Variants in BPTF observed in about 807,000 individuals in gnomAD.
BPTF encodes the protein bromodomain PHD finger transcription factor.
A neutral mutation model predicts 292.5 loss-of-function variants in BPTF; 18 were observed. The ratio of observed to expected loss-of-function variants is 0.06; its 90% CI spans 0.04 to 0.09. The LOEUF (loss-of-function observed/expected upper bound fraction) is 0.09, where lower values mean the gene tolerates loss of function less well. BPTF is among the 10% of genes least tolerant of loss of function. BPTF has a pLI of 1.00. For missense variants in BPTF, 2,726 were observed against 3,498.7 expected (o/e 0.78, Z 5.57); for synonymous variants, 1,225 against 1,251.9 (o/e 0.98, Z 0.45).
chr17:67,924,691 C>A, intron 15 of BPTF, 102 bp downstream of exon 15: 1 of 1,300,906 alleles, frequency 7.7e-7, no homozygotes, highest in Non-Finnish European at 1.1e-6. Flanking sequence ...TGGTGCTGGT[C>A]CCACTTGACA....
rs1217399164 is a variant in BPTF at position 67,825,919 on chromosome 17, C to G, written c.195C>G (p.Ser65Arg). 2 of 1,015,028 alleles carry G rather than the reference C, an allele frequency of 2.0e-6. No individual in the cohort carries two copies. Among genetic ancestry groups the G allele is most frequent in the Non-Finnish European group, 2.3e-6 (2 of 851,144 alleles). 62.9% of individuals were successfully genotyped at this position (1,015,028 alleles called of 1,614,324 possible). ...AGGTGGCGCCCAAGACGCGGCTGAG[C>G]TCGCCCAGGGGGGGCAGCAGTAGCC... The part of the protein sequence containing the change: ...QAEVAPKTRL[S>R]SPRGGSSSRR... The change falls in exon 1 of 28, where the codon AGC (serine) becomes AGG (arginine). Residue 65 changes from serine (S) to arginine (R), a missense_variant. Physicochemically the swap from Ser to Arg is moderately radical, Grantham distance 110 (BLOSUM62 -1). Coordinates refer to ENST00000306378, the MANE Select transcript of BPTF (RefSeq NM_182641.4).
chr17:67,918,333 C>T (rs2147124054), intron 11 of BPTF, among the ~76,000 whole-genome samples: 1 of 152,266 alleles, frequency 6.6e-6, no homozygotes, highest in South Asian at 2.1e-4. Context: ...CATTTAATAA[C>T]AATTATCTAT....
intron 27 of BPTF, chr17:67,981,541 C>T: frequency 9.1e-7 from 1 of 1,094,464 alleles, no homozygotes; most frequent in Non-Finnish European, 1.1e-6. Context: ...AATTGCCCCC[C>T]AAAAAGTCAG....
chr17:67,944,362 G>T lies in BPTF; in HGVS notation c.6690G>T (p.Thr2230=). 1 of 1,612,806 alleles carries T rather than the reference G, an allele frequency of 6.2e-7. No homozygotes were observed. Among genetic ancestry groups the T allele is most frequent in the Non-Finnish European group, 8.5e-7 (1 of 1,179,990 alleles). ...TASTTTTTVS[T]TAAGTGEQRQ... is the part of the protein sequence containing the mutation. ...GCACCACCACCACCACTGTTTCCAC[G>T]ACAGCAGCAGGTAGAGCTGTGGGTT... The change falls in exon 20 of 28, where the codon ACG becomes ACT. Residue 2230 remains threonine (T), a synonymous_variant. Coordinates refer to ENST00000306378, the MANE Select transcript of BPTF (RefSeq NM_182641.4).
intron 23 of BPTF, among the ~76,000 whole-genome samples, chr17:67,954,333 C>G (rs1278040419): frequency 6.6e-6 from 1 of 152,026 alleles, no homozygotes; most frequent in Non-Finnish European, 1.5e-5. Context: ...GTACTCGGCC[C>G]TGGTTGTCTT....
At chr17:67,931,152 C>T in intron 17 of BPTF, among the ~76,000 whole-genome samples, 1 of 152,164 alleles carries the variant, frequency 6.6e-6, no homozygotes, top group East Asian at 1.9e-4. Context: ...GTGATCCCAG[C>T]TACTTGGGAG....
At chr17:67,934,155 C>G (rs2064696312) in intron 18 of BPTF, among the ~76,000 whole-genome samples, 1 of 152,130 alleles carries the variant, frequency 6.6e-6, no homozygotes, top group Admixed American at 6.5e-5. Flanking sequence ...GTATAGGCCA[C>G]ATTCTTTATA....
Position 67,826,117 on chromosome 17 carries a change from C to CGAGGAGGAG in BPTF, c.399_407dup (p.Glu136_Glu138dup), listed in dbSNP as rs762904421. Reference sequence around the variant, plus strand: ...AAGTGGTGTACGATGACCACGAGAGCGAGGAGGAGGAGGAAGAGGAGGACA... The same window carrying CGAGGAGGAG: ...AAGTGGTGTACGATGACCACGAGAGCGAGGAGGAGGAGGAGGAGGAGGAAGAGGAGGACA... On this transcript the variant is annotated inframe_insertion, in exon 1 of 28. Coordinates refer to ENST00000306378, the MANE Select transcript of BPTF (RefSeq NM_182641.4). 4 of 1,398,432 alleles carry CGAGGAGGAG rather than the reference C, an allele frequency of 2.9e-6. No individual in the cohort carries two copies. The highest frequency in any genetic ancestry group is 4.0e-6 in the Non-Finnish European group (4 of 999,172). 86.6% of individuals were successfully genotyped at this position (1,398,432 alleles called of 1,614,324 possible).
intron 3 of BPTF, among the ~76,000 whole-genome samples, chr17:67,873,269 C>T (rs530718906): frequency 4.1e-4 from 63 of 152,000 alleles, no homozygotes; most frequent in Non-Finnish European, 8.1e-4. Flanking sequence ...ACCAGCCGGG[C>T]CAACGTGGTG....
chr17:67,919,982 G>A (rs2063328876), intron 12 of BPTF, 33 bp from the exon 13 acceptor site: 1 of 1,576,236 alleles, frequency 6.3e-7, no homozygotes, highest in East Asian at 2.3e-5. Flanking sequence ...TATTTCAGTT[G>A]GTTATTAATA....
At chr17:67,974,006 C>T (rs1252040075) in intron 26 of BPTF, 1 of 152,084 alleles carries the variant, frequency 6.6e-6, no homozygotes, top group Non-Finnish European at 1.5e-5. Context: ...ATAAGATTAT[C>T]TCATTACTTT....
chr17:67,955,125 T>TA (rs1450780557), intron 23 of BPTF, among the ~76,000 whole-genome samples: 9 of 151,266 alleles, frequency 5.9e-5, no homozygotes, highest in Admixed American at 2.0e-4. Flanking sequence ...TAGTCACTAC[T>TA]AAAAAAAATA....
At chr17:67,976,129 T>A in intron 27 of BPTF, 171 bp downstream of exon 27, 1 of 501,860 alleles carries the variant, frequency 2.0e-6, no homozygotes, top group Non-Finnish European at 3.2e-6. Context: ...CAAGGAGAAG[T>A]GGACAAATTG....
Position 67,860,849 on chromosome 17 carries a change from C to G in BPTF, c.1437-5615C>G, listed in dbSNP as rs568246686. On this transcript the variant is annotated intron_variant, in intron 2 of 27. Transcript: ENST00000306378. ...CTAGGATTACAACAGGCGTGGACCA[C>G]CACACGCCTTTAAACAGCATTTTAA... Among the ~76,000 whole-genome samples the G allele has an allele frequency of 2.0e-5, 3 of 152,352 alleles. No homozygotes were observed. In the South Asian group the frequency reaches 6.2e-4, roughly 32 times the overall value.
At chr17:67,959,032 T>C (rs2067217212) in intron 23 of BPTF, among the ~76,000 whole-genome samples, 1 of 152,236 alleles carries the variant, frequency 6.6e-6, no homozygotes, top group South Asian at 2.1e-4. Flanking sequence ...CCCTGCAGTC[T>C]GAAATTCTAG....
intron 1 of BPTF, among the ~76,000 whole-genome samples, chr17:67,830,336 G>A (rs775535922): frequency 1.2e-4 from 18 of 152,198 alleles, no homozygotes; most frequent in Non-Finnish European, 2.2e-4. Flanking sequence ...GTTACCCTGG[G>A]AGAGTTAGTG....
In BPTF at chr17:67,912,036, C is replaced by T. The variant is rs1482406860; in HGVS notation, c.4152C>T (p.Thr1384=). The change falls in exon 11 of 28, where the codon ACC becomes ACT. Residue 1384 remains threonine, a synonymous_variant. Transcript: ENST00000306378. The stretch of plus-strand genomic sequence containing the variant: ...GTGATCAAATAAAGCTAAAAAATAC[C>T]ACTGACAAAAAGAATAATGAAAATC... ...KCSDQIKLKN[T]TDKKNNENRE... 2 of 1,612,258 alleles carry T rather than the reference C, an allele frequency of 1.2e-6. No individual in the cohort carries two copies. The highest frequency in any genetic ancestry group is 8.5e-7 in the Non-Finnish European group (1 of 1,179,478).
In BPTF at chr17:67,904,726, T is replaced by C. The variant is rs748412586; in HGVS notation, c.2698T>C (p.Tyr900His). Residue 900 changes from tyrosine to histidine, a missense_variant, in exon 9 of 28, where the codon TAC (tyrosine) becomes CAC (histidine). Physicochemically the swap from Tyr to His is moderately conservative, Grantham distance 83. Coordinates refer to ENST00000306378, the MANE Select transcript of BPTF (RefSeq NM_182641.4). ...GGTTTGGAAACAAAAAGGTGAAGAG[T>C]ACAGAGTGACAGGATATGGTGGTTG... ...HQVWKQKGEE[Y>H]RVTGYGGWSW... 15 of 1,612,704 alleles carry C rather than the reference T, an allele frequency of 9.3e-6. No individual in the cohort carries two copies. The highest frequency in any genetic ancestry group is 1.3e-5 in the African/African-American group (1 of 74,860).
rs141618676 is a variant in BPTF at position 67,873,132 on chromosome 17, C to T, written c.1661-1685C>T. 4.0e-3 allele frequency among the ~76,000 whole-genome samples: 610 copies of T among 151,858 alleles called. 4 individuals are homozygous for T. The highest frequency in any genetic ancestry group is 0.014 in the African/African-American group (589 of 41,436). On this transcript the variant is annotated intron_variant, in intron 3 of 27. Coordinates refer to ENST00000306378, the MANE Select transcript of BPTF (RefSeq NM_182641.4). ...AAAAGGAAACACAAACCCAAAAATC[C>T]AAGAGGAGTACTGTGGATATACATG...
Sources: allele counts gnomAD v4.1 joint callset (sites outside exome capture counted in the v4.1 genomes callset), GRCh38; gene constraint gnomAD v4.1.1; transcripts MANE v1.5; gene names NCBI Gene and HGNC (gene_info 2026-07-23, HGNC 2026-07-21).